Variants in STK24 observed in about 807,000 individuals in gnomAD.
STK24 encodes serine/threonine-protein kinase 24.
A neutral mutation model predicts 55.6 loss-of-function variants in STK24; 21 were observed. The observed-to-expected ratio is 0.38, with a 90% CI of 0.27 to 0.54. The LOEUF (loss-of-function observed/expected upper bound fraction) is 0.54, where lower values mean the gene tolerates loss of function less well. STK24 is among the 20% of genes least tolerant of loss of function. STK24 has a pLI of 0.79. For synonymous variants in STK24, 200 were observed against 215.2 expected, an observed-to-expected ratio of 0.93 and a Z score of 0.62; for missense variants, 383 against 538.4, an observed-to-expected ratio of 0.71 and a Z score of 2.86.
chr13:98,518,667 C>T (rs1371683398), intron 2 of STK24, among the ~76,000 whole-genome samples: 1 of 152,170 alleles, frequency 6.6e-6, no homozygotes, highest in East Asian at 1.9e-4. Context: ...ATTTTTAATA[C>T]TATTCTTTCC....
chr13:98,517,417 G>C (rs3858777), intron 2 of STK24, among the ~76,000 whole-genome samples: 43,070 of 152,022 alleles, frequency 0.28, 6,247 homozygotes, highest in African/African-American at 0.3. Flanking sequence ...CCTGAGGTCA[G>C]AAGTTCGAGA....
At chr13:98,499,045 G>A (rs1000779425) in intron 2 of STK24, among the ~76,000 whole-genome samples, 1 of 152,176 alleles carries the variant, frequency 6.6e-6, no homozygotes, top group African/African-American at 2.4e-5. Flanking sequence ...TCAGGCGCTT[G>A]AGACCAGCCT....
intron 1 of STK24, among the ~76,000 whole-genome samples, chr13:98,575,337 GTTGCTGCTTAAATGTATATTTA>G (rs1594682324): frequency 6.6e-6 from 1 of 151,792 alleles, no homozygotes; most frequent in Non-Finnish European, 1.5e-5. Flanking sequence ...TAACTTAACT[GTTGCTGCTTAAATGTATATTTA>G]TTTACTGCTT....
At chr13:98,538,737 C>G (rs1200110979) in intron 1 of STK24, among the ~76,000 whole-genome samples, 1 of 152,146 alleles carries the variant, frequency 6.6e-6, no homozygotes, top group African/African-American at 2.4e-5. Flanking sequence ...TAAACCCTAC[C>G]TCCTGGAGGG....
chr13:98,526,369 T>C (rs1896429746), intron 1 of STK24, among the ~76,000 whole-genome samples: 1 of 152,206 alleles, frequency 6.6e-6, no homozygotes, highest in Non-Finnish European at 1.5e-5. Flanking sequence ...TTCCAGGCTC[T>C]GGGTCAGGAG....
intron 2 of STK24, among the ~76,000 whole-genome samples, chr13:98,504,031 C>G (rs185855336): frequency 1.3e-5 from 2 of 152,202 alleles, no homozygotes; most frequent in South Asian, 4.1e-4. Flanking sequence ...ATGGAGAAGA[C>G]AGAAAGATCA....
intron 1 of STK24, among the ~76,000 whole-genome samples, chr13:98,547,817 A>T (rs375769763): frequency 6.6e-6 from 1 of 152,240 alleles, no homozygotes; most frequent in Non-Finnish European, 1.5e-5. Flanking sequence ...AAAATACATG[A>T]TGTGCAAGCA....
intron 1 of STK24, among the ~76,000 whole-genome samples, chr13:98,523,441 C>A (rs1300583834): frequency 6.6e-6 from 1 of 152,242 alleles, no homozygotes. Context: ...GCACTCCTCC[C>A]AGCAAGAGAC....
rs769287440 is a variant in STK24, at chr13:98,475,360, TAAG to T, written c.331-5_331-3del. 6 of 1,582,022 alleles carry T rather than the reference TAAG, an allele frequency of 3.8e-6. No individual in the cohort carries two copies. Among genetic ancestry groups the T allele is most frequent in the Non-Finnish European group, 4.3e-6 (5 of 1,167,522 alleles). On this transcript the variant is annotated splice_polypyrimidine_tract_variant and splice_region_variant and intron_variant, in intron 3 of 10. Transcript: ENST00000539966. ...TTCATCTAATGGGCCAGGTTCTAAC[TAAG>T]AAGAGAAAAAAATTCTTAAAGTTAC... is the stretch of plus-strand genomic sequence containing the variant.
intron 5 of STK24, among the ~76,000 whole-genome samples, chr13:98,469,358 G>A (rs926171256): frequency 1.3e-5 from 2 of 152,162 alleles, no homozygotes; most frequent in African/African-American, 2.4e-5. Flanking sequence ...AGACCAGCCC[G>A]GCCAACATGG....
rs1182396253 is a variant in STK24, at chr13:98,457,263, G to A, written c.1164C>T (p.Ser388=). The A allele has an allele frequency of 6.2e-7, 1 of 1,613,742 alleles. No homozygotes were observed. The highest frequency in any genetic ancestry group is 2.2e-5 in the East Asian group (1 of 44,882). ...KSQACGGNLG[S]IEELRGAIYL... Reference sequence around the variant, plus strand: ...AGATGGCCCCTCGCAGCTCTTCAATGGACCCCAAGTTCCCTCCGCACGCCT... The same window carrying A: ...AGATGGCCCCTCGCAGCTCTTCAATAGACCCCAAGTTCCCTCCGCACGCCT... The change falls in exon 10 of 11, where the codon TCC becomes TCT. Residue 388 remains serine, a synonymous_variant. Coordinates refer to ENST00000539966, the MANE Select transcript of STK24 (RefSeq NM_001032296.4).
intron 5 of STK24, among the ~76,000 whole-genome samples, chr13:98,468,974 C>T (rs1894031929): frequency 6.6e-6 from 1 of 152,250 alleles, no homozygotes. Flanking sequence ...GCTAAACACA[C>T]TCGGTGACTG....
At chr13:98,490,831 A>T (rs1305251074) in intron 2 of STK24, among the ~76,000 whole-genome samples, 4 of 120,096 alleles carry the variant, frequency 3.3e-5, no homozygotes, top group East Asian at 2.1e-4. Context: ...AGCCTACATT[A>T]AAAAAAAAAA....
chr13:98,534,341 T>A (rs1289969569), intron 1 of STK24, among the ~76,000 whole-genome samples: 1 of 152,198 alleles, frequency 6.6e-6, no homozygotes, highest in Non-Finnish European at 1.5e-5. Flanking sequence ...ACCGACTCCA[T>A]CTTGCTTCTA....
chr13:98,535,026 G>A (rs764397422), intron 1 of STK24, among the ~76,000 whole-genome samples: 12 of 152,214 alleles, frequency 7.9e-5, no homozygotes, highest in Non-Finnish European at 2.9e-5. Context: ...AGCATAACCA[G>A]GAGTTTCATC....
intron 4 of STK24, 96 bp downstream of exon 4, chr13:98,475,154 A>G: frequency 7.2e-7 from 1 of 1,397,974 alleles, no homozygotes; most frequent in Admixed American, 2.3e-5. Context: ...AACGTGCAGG[A>G]CAAATGGGCG....
chr13:98,498,163 T>C (rs1895320706), intron 2 of STK24, among the ~76,000 whole-genome samples: 1 of 152,242 alleles, frequency 6.6e-6, no homozygotes, highest in Admixed American at 6.5e-5. Flanking sequence ...AGAGATATGA[T>C]AGACGTCTGC....
At chr13:98,505,935 A>T (rs1013357601) in intron 2 of STK24, among the ~76,000 whole-genome samples, 2 of 152,280 alleles carry the variant, frequency 1.3e-5, no homozygotes, top group African/African-American at 4.8e-5. Flanking sequence ...AAACATACAA[A>T]GAAAGGAAGA....
chr13:98,536,714 C>A (rs886504211), intron 1 of STK24, among the ~76,000 whole-genome samples: 3 of 152,274 alleles, frequency 2.0e-5, no homozygotes, highest in African/African-American at 7.2e-5. Flanking sequence ...GCCTCCTAGT[C>A]CCCTGCAGGA....
Sources: allele counts gnomAD v4.1 joint callset (sites outside exome capture counted in the v4.1 genomes callset), GRCh38; gene constraint gnomAD v4.1.1; transcripts MANE v1.5; gene names NCBI Gene and HGNC (gene_info 2026-07-23, HGNC 2026-07-21).